Variants in KIAA1549L observed in about 807,000 individuals in gnomAD.
KIAA1549L encodes UPF0606 protein KIAA1549L.
In KIAA1549L, 88 loss-of-function variants were observed where a neutral mutation model predicts 160.7. The ratio of observed to expected loss-of-function variants is 0.55; its 90% CI spans 0.46 to 0.65. KIAA1549L has a LOEUF of 0.65. Ranked by LOEUF, KIAA1549L falls within the 30% of genes least tolerant of loss-of-function variation. The pLI is 0.00. For synonymous variants in KIAA1549L, 950 were observed against 976.7 expected, an observed-to-expected ratio of 0.97 and a Z score of 0.51; for missense variants, 2,258 against 2,437.5, an observed-to-expected ratio of 0.93 and a Z score of 1.55.
rs374176112 is a variant in KIAA1549L, at chr11:33,455,744, A to G, written c.238+78855A>G. ...AATACACAGAAGATTCTAGAAGATG[A>G]CAGAGGTCACAAGGCTATTGGTTAA... is the stretch of plus-strand genomic sequence containing the variant. On this transcript the variant is annotated intron_variant, in intron 1 of 20. Coordinates refer to ENST00000658780, the MANE Select transcript of KIAA1549L (RefSeq NM_012194.3). Among the ~76,000 whole-genome samples the G allele has an allele frequency of 3.3e-5, 5 of 152,346 alleles. No individual in the cohort carries two copies. The East Asian group carries it at 9.6e-4, about 29-fold the overall frequency.
chr11:33,448,937 G>T (rs779242141), intron 1 of KIAA1549L, among the ~76,000 whole-genome samples: 1 of 152,112 alleles, frequency 6.6e-6, no homozygotes, highest in Non-Finnish European at 1.5e-5. Flanking sequence ...ACTTTGGTTT[G>T]ATGATTGTTA....
At chr11:33,404,593 G>GA (rs202098487) in intron 1 of KIAA1549L, among the ~76,000 whole-genome samples, 6 of 151,508 alleles carry the variant, frequency 4.0e-5, no homozygotes, top group Non-Finnish European at 7.4e-5. Context: ...ACAATTCATG[G>GA]AAAAAAATAA....
chr11:33,436,123 A>G (rs1851375470), intron 1 of KIAA1549L, among the ~76,000 whole-genome samples: 1 of 152,022 alleles, frequency 6.6e-6, no homozygotes, highest in South Asian at 2.1e-4. Flanking sequence ...AGCAAATGCT[A>G]TGCCACTTTA....
chr11:33,530,452 T>A lies in KIAA1549L; in HGVS notation c.239-11350T>A, dbSNP rs1590315206. Reference sequence around the variant, plus strand: ...AAAAAAAAAAATATATATATATATATATATATATATATATATATATATATA... The same window carrying A: ...AAAAAAAAAAATATATATATATATAAATATATATATATATATATATATATA... On this transcript the variant is annotated intron_variant, in intron 1 of 20. Coordinates refer to ENST00000658780, the MANE Select transcript of KIAA1549L (RefSeq NM_012194.3). 5.0e-4 allele frequency among the ~76,000 whole-genome samples: 8 copies of A among 15,942 alleles called. 1 individual carries two copies. Among genetic ancestry groups the A allele is most frequent in the Non-Finnish European group, 9.3e-4 (7 of 7,558 alleles). The allele number at this position is 15,942 out of a possible 152,430, so 10.5% of individuals were successfully genotyped here.
chr11:33,640,334 C>G (rs1387708461), intron 16 of KIAA1549L, among the ~76,000 whole-genome samples: 1 of 152,170 alleles, frequency 6.6e-6, no homozygotes, highest in East Asian at 1.9e-4. Flanking sequence ...CTCAGTAAAA[C>G]TTTCTAAATT....
At chr11:33,452,127 A>G (rs1851732920) in intron 1 of KIAA1549L, among the ~76,000 whole-genome samples, 1 of 152,044 alleles carries the variant, frequency 6.6e-6, no homozygotes, top group Non-Finnish European at 1.5e-5. Context: ...CCCCTCCCCC[A>G]CCAAAAAACC....
chr11:33,522,683 G>T (rs1452373581), intron 1 of KIAA1549L, among the ~76,000 whole-genome samples: 1 of 152,120 alleles, frequency 6.6e-6, no homozygotes, highest in Non-Finnish European at 1.5e-5. Flanking sequence ...ATCACTTGAG[G>T]CCAGGAGTTT....
At chr11:33,580,602 G>GAAAAGAA (rs3039004) in intron 10 of KIAA1549L, among the ~76,000 whole-genome samples, 39 of 138,390 alleles carry the variant, frequency 2.8e-4, no homozygotes, top group African/African-American at 1.0e-3. Context: ...GAAAAGAAAA[G>GAAAAGAA]AAAAAAAAAG....
At chr11:33,610,004 C>A in intron 15 of KIAA1549L, 38 bp downstream of exon 15, 1 of 1,520,982 alleles carries the variant, frequency 6.6e-7, no homozygotes, top group South Asian at 1.1e-5. Context: ...GGTGCTGTAT[C>A]ATTGGTGGGA....
intron 16 of KIAA1549L, among the ~76,000 whole-genome samples, chr11:33,643,596 G>A (rs1851644445): frequency 6.6e-6 from 1 of 152,186 alleles, no homozygotes; most frequent in African/African-American, 2.4e-5. Context: ...GGGAGGAAGG[G>A]CCTTGTGTGG....
chr11:33,377,924 TAA>T (rs1590208319), intron 1 of KIAA1549L, among the ~76,000 whole-genome samples: 1 of 152,204 alleles, frequency 6.6e-6, no homozygotes, highest in Non-Finnish European at 1.5e-5. Flanking sequence ...TCGATTCACT[TAA>T]AGAGTCACTG....
At position 33,668,196 on chromosome 11, in the gene KIAA1549L, A is replaced by T. The variant is rs545668494; in HGVS notation, c.*42A>T. The stretch of plus-strand genomic sequence containing the variant: ...GACTCTGGACTTCCAAACTCTGAGG[A>T]CTCAGCCTTTGGGTTTCCCATGCCT... On this transcript the variant is annotated 3_prime_UTR_variant, in exon 21 of 21. Transcript: ENST00000658780. The T allele has an allele frequency of 7.3e-5, 116 of 1,579,030 alleles. No individual in the cohort carries two copies. In the South Asian group the frequency reaches 1.0e-3, roughly 14 times the overall value.
At chr11:33,608,385 T>C (rs1002792244) in intron 14 of KIAA1549L, among the ~76,000 whole-genome samples, 14 of 152,270 alleles carry the variant, frequency 9.2e-5, no homozygotes, top group African/African-American at 3.1e-4. Flanking sequence ...AGATCATGTA[T>C]TTTATGCCCC....
At chr11:33,518,313 C>G (rs1230194428) in intron 1 of KIAA1549L, among the ~76,000 whole-genome samples, 1 of 152,026 alleles carries the variant, frequency 6.6e-6, no homozygotes, top group African/African-American at 2.4e-5. Flanking sequence ...AATTGGGAAA[C>G]TGAGGCTTAG....
chr11:33,670,335 C>T lies in KIAA1549L; in HGVS notation c.*2181C>T, dbSNP rs900843497. ...GACAGTGTCTGAAATTTGGCTGTTT[C>T]AATGACTTACAGAGACTGAGTCTAC... On this transcript the variant is annotated 3_prime_UTR_variant, in exon 21 of 21. Transcript: ENST00000658780. 2.0e-5 allele frequency: 3 copies of T among 152,166 alleles called. No homozygotes were observed. In the South Asian group the frequency reaches 6.2e-4, roughly 32 times the overall value. 9.4% of individuals were successfully genotyped at this position (152,166 alleles called of 1,614,324 possible).
At chr11:33,530,436 A>AAAAATATATAT (rs1853735474) in intron 1 of KIAA1549L, among the ~76,000 whole-genome samples, 1 of 11,892 alleles carries the variant, frequency 8.4e-5, no homozygotes, top group African/African-American at 3.7e-4. Flanking sequence ...AAAAAAAAAA[A>AAAAATATATAT]ATATATATAT....
At chr11:33,638,594 A>T (rs912844772) in intron 16 of KIAA1549L, among the ~76,000 whole-genome samples, 1 of 152,092 alleles carries the variant, frequency 6.6e-6, no homozygotes, top group East Asian at 1.9e-4. Flanking sequence ...AGTATGAAAA[A>T]AAAAACTGCC....
chr11:33,504,489 A>G (rs1853033184), intron 1 of KIAA1549L, among the ~76,000 whole-genome samples: 1 of 150,122 alleles, frequency 6.7e-6, no homozygotes, highest in Admixed American at 6.6e-5. Context: ...TTTTTTTGAG[A>G]CAGAGTCCCT....
intron 1 of KIAA1549L, among the ~76,000 whole-genome samples, chr11:33,511,207 C>T (rs919578791): frequency 1.3e-5 from 2 of 152,172 alleles, no homozygotes; most frequent in Non-Finnish European, 2.9e-5. Context: ...TCTGCAGTAT[C>T]CCAATTTTCT....
Sources: allele counts gnomAD v4.1 joint callset (sites outside exome capture counted in the v4.1 genomes callset), GRCh38; gene constraint gnomAD v4.1.1; transcripts MANE v1.5; gene names NCBI Gene and HGNC (gene_info 2026-07-23, HGNC 2026-07-21).